Variants in SVOP observed in about 807,000 individuals in gnomAD.
SVOP encodes SV2 related protein.
SVOP carries 17 observed loss-of-function variants against 69.1 expected under a neutral mutation model. The observed-to-expected ratio is 0.25, with a 90% CI of 0.17 to 0.37. The LOEUF is 0.37. SVOP is among the 10% of genes least tolerant of loss of function. SVOP has a pLI of 1.00. For synonymous variants in SVOP, 238 were observed against 238.6 expected (o/e 1.00, Z 0.02); for missense variants, 435 against 597.5 (o/e 0.73, Z 2.84).
chr12:109,004,143 G>T (rs2040290782), intron 1 of SVOP, among the ~76,000 whole-genome samples: 1 of 152,128 alleles, frequency 6.6e-6, no homozygotes, highest in Admixed American at 6.6e-5. Context: ...TAATATGAAA[G>T]AAAAAGAAAA....
At chr12:108,919,289 C>T (rs952518184) in intron 13 of SVOP, among the ~76,000 whole-genome samples, 3 of 151,388 alleles carry the variant, frequency 2.0e-5, no homozygotes, top group African/African-American at 7.3e-5. Context: ...CCACCTGTAC[C>T]CACACTTGGG....
chr12:108,968,209 G>A (rs2040056678), intron 5 of SVOP, among the ~76,000 whole-genome samples: 1 of 152,214 alleles, frequency 6.6e-6, no homozygotes, highest in Non-Finnish European at 1.5e-5. Flanking sequence ...CACTCAAGAA[G>A]TATTTATTGA....
chr12:108,997,543 G>T (rs1286736564), intron 1 of SVOP, among the ~76,000 whole-genome samples: 3 of 152,134 alleles, frequency 2.0e-5, no homozygotes, highest in Non-Finnish European at 4.4e-5. Context: ...AGTAACCTCT[G>T]CAGACTTAAA....
At chr12:108,960,616 A>G (rs36189819) in intron 6 of SVOP, among the ~76,000 whole-genome samples, 20,563 of 152,204 alleles carry the variant, frequency 0.14, 1,608 homozygotes, top group East Asian at 0.31. Flanking sequence ...CAATAATACA[A>G]TAACACACAC....
intron 15 of SVOP, 70 bp downstream of exon 15, chr12:108,915,713 T>C (rs909587221): frequency 6.8e-7 from 1 of 1,470,362 alleles, no homozygotes; most frequent in Non-Finnish European, 9.2e-7. Context: ...ACAGTCGGCA[T>C]GTAGTAACTG....
chr12:108,941,041 A>G (rs961300528), intron 7 of SVOP, 132 bp from the exon 8 acceptor site: 40 of 1,298,372 alleles, frequency 3.1e-5, no homozygotes, highest in Non-Finnish European at 3.8e-5. Flanking sequence ...GAATAGCCAC[A>G]CTTTCCCTGT....
intron 6 of SVOP, among the ~76,000 whole-genome samples, chr12:108,949,230 C>T (rs1167207598): frequency 2.0e-5 from 3 of 152,138 alleles, no homozygotes; most frequent in Admixed American, 1.3e-4. Context: ...TTCCTCTCCC[C>T]CAAAGCCATA....
At chr12:108,989,226 C>T (rs1404371005) in intron 1 of SVOP, among the ~76,000 whole-genome samples, 1 of 152,202 alleles carries the variant, frequency 6.6e-6, no homozygotes, top group Non-Finnish European at 1.5e-5. Context: ...CGCACCACCA[C>T]CACACCTAGC....
chr12:108,928,151 G>A (rs181481261), intron 11 of SVOP, among the ~76,000 whole-genome samples: 1 of 152,144 alleles, frequency 6.6e-6, no homozygotes, highest in African/African-American at 2.4e-5. Context: ...TGGTCCACCT[G>A]CCTCAGCCTC....
chr12:108,971,428 CA>C lies in SVOP; in HGVS notation c.453+976del, dbSNP rs563114992. ...TGGGCGACAGAGCAAGACTCCGTCT[CA>C]AAAAAAAAAAAAAAAAAAAATGTCA... is the stretch of plus-strand genomic sequence containing the variant. On this transcript the variant is annotated intron_variant, in intron 5 of 15. Coordinates refer to ENST00000610966, the MANE Select transcript of SVOP (RefSeq NM_018711.5). Among the ~76,000 whole-genome samples the C allele has an allele frequency of 1.6e-3, 223 of 142,648 alleles. 1 individual carries two copies. In the South Asian group the frequency reaches 0.016, roughly 10 times the overall value. 93.6% of individuals were successfully genotyped at this position (142,648 alleles called of 152,430 possible).
intron 1 of SVOP, among the ~76,000 whole-genome samples, chr12:108,988,341 T>C (rs1266339978): frequency 1.3e-5 from 2 of 152,248 alleles, no homozygotes; most frequent in Admixed American, 6.5e-5. Flanking sequence ...TTTTCTCCTA[T>C]ATTTTCTTCT....
chr12:108,924,811 G>A (rs2039770508), intron 11 of SVOP, among the ~76,000 whole-genome samples: 1 of 152,180 alleles, frequency 6.6e-6, no homozygotes. Context: ...ATGTCCCTGA[G>A]TTGGTTTCAG....
intron 11 of SVOP, among the ~76,000 whole-genome samples, chr12:108,928,607 C>A (rs1449594958): frequency 6.7e-6 from 1 of 149,958 alleles, no homozygotes; most frequent in Admixed American, 6.7e-5. Flanking sequence ...CACTCTGTCA[C>A]CCAGGCTGGA....
At position 108,912,575 on chromosome 12, in the gene SVOP, C is replaced by T. The variant is rs1253636716; in HGVS notation, c.1607G>A (p.Gly536Asp). 3.0e-5 allele frequency: 48 copies of T among 1,613,838 alleles called. No homozygotes were observed. The highest frequency in any genetic ancestry group is 3.9e-5 in the Non-Finnish European group (46 of 1,179,766). The change falls in exon 16 of 16, where the codon GGT becomes GAT. Residue 536 changes from glycine to aspartate, a missense_variant. Transcript: ENST00000610966. ...AGAGTTCGACCTGGTAACACCTGCA[C>T]CGTGCATTCCTCGGCCGACCATCTC... The part of the protein sequence containing the change: ...GQEMVGRGMH[G>D]AGVTRSNSGS...
rs772567853 is a variant in SVOP, at chr12:108,972,546, G to A, written c.382-70C>T. ...ATTGCACAGAAAGGGAACAACAAAC[G>A]GAAGTGGTGACGTCACCCTCTAGGT... On this transcript the variant is annotated intron_variant, in intron 4 of 15. Transcript: ENST00000610966. The A allele has an allele frequency of 7.5e-6, 11 of 1,464,506 alleles. No individual in the cohort carries two copies. The Admixed American group carries it at 1.2e-4, about 16-fold the overall frequency. The allele number at this position is 1,464,506 out of a possible 1,614,324, so 90.7% of individuals were successfully genotyped here.
At chr12:109,006,481 A>G (rs2040308365) in intron 1 of SVOP, among the ~76,000 whole-genome samples, 2 of 152,208 alleles carry the variant, frequency 1.3e-5, no homozygotes, top group African/African-American at 4.8e-5. Context: ...GGGGCATGCC[A>G]CACTTTAAGG....
chr12:108,956,408 C>A (rs2039986207), intron 6 of SVOP, among the ~76,000 whole-genome samples: 1 of 152,158 alleles, frequency 6.6e-6, no homozygotes, highest in Non-Finnish European at 1.5e-5. Flanking sequence ...ACCTATTACC[C>A]CTGAGGGGGT....
At chr12:108,987,224 C>T (rs767718265) in intron 1 of SVOP, among the ~76,000 whole-genome samples, 1 of 152,174 alleles carries the variant, frequency 6.6e-6, no homozygotes, top group Non-Finnish European at 1.5e-5. Flanking sequence ...TGGCTTATTT[C>T]CCTTAGCATA....
In SVOP at chr12:108,911,153, C is replaced by T. The variant is rs964810650; in HGVS notation, c.*1382G>A. On this transcript the variant is annotated 3_prime_UTR_variant, in exon 16 of 16. Transcript: ENST00000610966. ...ACATATACATTTCACACACCTGAGT[C>T]CTCCCACCCCTCTCCACTCCACGGC... is the stretch of plus-strand genomic sequence containing the variant. 1.1e-4 allele frequency: 16 copies of T among 152,282 alleles called. No homozygotes were observed. Among genetic ancestry groups the T allele is most frequent in the Non-Finnish European group, 1.0e-4 (7 of 68,132 alleles). 9.4% of individuals were successfully genotyped at this position (152,282 alleles called of 1,614,324 possible). A position where few individuals can be genotyped will look rare whatever the true frequency, so the allele number is the denominator to read the frequency against.
Sources: gnomAD v4.1 joint callset for allele counts (sites outside exome capture counted in the v4.1 genomes callset) on GRCh38, gnomAD v4.1.1 for gene constraint, MANE v1.5 for transcripts, NCBI Gene and HGNC (gene_info 2026-07-23, HGNC 2026-07-21) for gene names.